Variants in ACYP2 observed in about 807,000 individuals in gnomAD.
ACYP2 encodes acylphosphatase-2.
ACYP2 carries 12 observed loss-of-function variants against 11.2 expected under a neutral mutation model. The observed-to-expected ratio is 1.08, with a 90% CI of 0.69 to 1.74. The LOEUF (loss-of-function observed/expected upper bound fraction) is 1.74. Among genes scored for constraint, ACYP2 ranks in the 40% most tolerant of loss-of-function variants. ACYP2 has a pLI of 0.00. For synonymous variants in ACYP2, 43 were observed against 32.2 expected (o/e 1.33, Z -1.13); for missense variants, 134 against 101.9 (o/e 1.31, Z -1.35).
At chr2:54,016,704 C>G (rs1007837203) in intron 2 of ACYP2, among the ~76,000 whole-genome samples, 15 of 149,690 alleles carry the variant, frequency 1.0e-4, no homozygotes, top group African/African-American at 3.7e-4. Flanking sequence ...AAGTCAAGGT[C>G]AAGGCACCTG....
At position 54,285,294 on chromosome 2, in the gene ACYP2, T is replaced by G. The variant is rs80266857; in HGVS notation, c.405-19394T>G. On this transcript the variant is annotated intron_variant, in intron 6 of 6. Transcript: ENST00000607452. ...AACATTCAGACCACAGCACTGAGTT[T>G]CTAGGATACCACGGTCTCCTGGCTT... Among the ~76,000 whole-genome samples the G allele has an allele frequency of 9.2e-5, 14 of 152,324 alleles. No homozygotes were observed. The East Asian group carries it at 2.7e-3, about 29-fold the overall frequency.
In ACYP2 at chr2:54,157,879, C is replaced by G. The variant is rs114363312; in HGVS notation, c.404+19131C>G. Among the ~76,000 whole-genome samples, 319 of 152,242 alleles carry G rather than the reference C, an allele frequency of 2.1e-3. 3 individuals are homozygous for G. Among genetic ancestry groups the G allele is most frequent in the African/African-American group, 7.2e-3 (300 of 41,540 alleles). The stretch of plus-strand genomic sequence containing the variant: ...GAGGGTCTGGGAAGAGCTTTCTGTG[C>G]AGAGGCAACAGCAAACAGCCATGCA... On this transcript the variant is annotated intron_variant, in intron 6 of 6. Coordinates refer to ENST00000607452, the MANE Select transcript of ACYP2 (RefSeq NM_001320586.2).
At position 54,276,230 on chromosome 2, in the gene ACYP2, C is replaced by A. The variant is rs189666311; in HGVS notation, c.405-28458C>A. ...CCTTAGCAAGCTGTGCAAGACCCTT[C>A]CCCTCTGGCCATTGTCCCAATAGCA... is the stretch of plus-strand genomic sequence containing the variant. On this transcript the variant is annotated intron_variant, in intron 6 of 6. Coordinates refer to ENST00000607452, the MANE Select transcript of ACYP2 (RefSeq NM_001320586.2). 1.9e-3 allele frequency among the ~76,000 whole-genome samples: 270 copies of A among 142,922 alleles called. 2 individuals are homozygous for A. The highest frequency in any genetic ancestry group is 6.8e-3 in the African/African-American group (254 of 37,388). The allele number at this position is 142,922 out of a possible 152,430, so 93.8% of individuals were successfully genotyped here.
At chr2:54,303,937 T>C (rs151282589) in intron 6 of ACYP2, among the ~76,000 whole-genome samples, 74 of 152,306 alleles carry the variant, frequency 4.9e-4, no homozygotes, top group African/African-American at 1.7e-3. Context: ...GTCAGCAATA[T>C]ACAATAGGCC....
At chr2:54,231,556 C>T (rs1686238196) in intron 6 of ACYP2, among the ~76,000 whole-genome samples, 1 of 152,148 alleles carries the variant, frequency 6.6e-6, no homozygotes, top group Non-Finnish European at 1.5e-5. Flanking sequence ...GGAGCAGAGA[C>T]CTCTGCTAGG....
chr2:54,001,486 T>G (rs1298829350), intron 2 of ACYP2, among the ~76,000 whole-genome samples: 3 of 152,192 alleles, frequency 2.0e-5, no homozygotes, highest in Non-Finnish European at 4.4e-5. Context: ...CTCCGCCTTC[T>G]GAGTTCAAGT....
chr2:54,097,965 CTTT>C (rs527656550), intron 4 of ACYP2, among the ~76,000 whole-genome samples: 3 of 117,184 alleles, frequency 2.6e-5, no homozygotes, highest in Admixed American at 9.1e-5. Flanking sequence ...TCCTTCCTTC[CTTT>C]TTTTTTTTTT....
chr2:54,109,457 A>C (rs375017671), intron 4 of ACYP2, among the ~76,000 whole-genome samples: 6 of 152,186 alleles, frequency 3.9e-5, no homozygotes, highest in Admixed American at 6.5e-5. Flanking sequence ...TATTGGGTAC[A>C]GCGTACACTG....
At chr2:54,251,715 C>CA (rs146184096) in intron 6 of ACYP2, among the ~76,000 whole-genome samples, 123 of 152,302 alleles carry the variant, frequency 8.1e-4, no homozygotes, top group Non-Finnish European at 1.4e-3. Flanking sequence ...GTCTCCAGAG[C>CA]AAAGGGCAGG....
chr2:54,217,030 TA>T (rs1685584523), intron 6 of ACYP2, among the ~76,000 whole-genome samples: 1 of 152,248 alleles, frequency 6.6e-6, no homozygotes, highest in South Asian at 2.1e-4. Context: ...TGTTCTAATA[TA>T]TTTTTATTTT....
In ACYP2 at chr2:54,088,747, A is replaced by G. The variant is rs1016056210; in HGVS notation, c.277+31387A>G. Reference sequence around the variant, plus strand: ...TGACCATAGATTGGCCTATTAATTAAGATTAAGCTGAAAAGTTATGGAGTC... The same window carrying G: ...TGACCATAGATTGGCCTATTAATTAGGATTAAGCTGAAAAGTTATGGAGTC... On this transcript the variant is annotated intron_variant, in intron 4 of 6. Coordinates refer to ENST00000607452, the MANE Select transcript of ACYP2 (RefSeq NM_001320586.2). 3.3e-5 allele frequency among the ~76,000 whole-genome samples: 5 copies of G among 152,364 alleles called. No homozygotes were observed. The East Asian group carries it at 9.6e-4, about 29-fold the overall frequency.
chr2:54,145,573 A>G (rs530505346), intron 6 of ACYP2, among the ~76,000 whole-genome samples: 2 of 152,150 alleles, frequency 1.3e-5, no homozygotes, highest in Non-Finnish European at 2.9e-5. Flanking sequence ...TTTCAATAAC[A>G]GTATGCTTTC....
intron 2 of ACYP2, among the ~76,000 whole-genome samples, chr2:54,004,627 G>T (rs1454472271): frequency 6.6e-6 from 1 of 150,772 alleles, no homozygotes; most frequent in East Asian, 2.0e-4. Context: ...AGCCAGGATG[G>T]TCTTGATCTC....
At chr2:54,039,653 C>T (rs1033118561) in intron 2 of ACYP2, among the ~76,000 whole-genome samples, 4 of 152,016 alleles carry the variant, frequency 2.6e-5, no homozygotes. Context: ...TCTCGAACTC[C>T]TCGATCCACC....
At chr2:54,212,558 G>A (rs1054107345) in intron 6 of ACYP2, among the ~76,000 whole-genome samples, 1 of 152,118 alleles carries the variant, frequency 6.6e-6, no homozygotes, top group Non-Finnish European at 1.5e-5. Context: ...CATCAAAACA[G>A]GAGTTACCAT....
chr2:54,145,060 T>C (rs7586592), intron 6 of ACYP2, among the ~76,000 whole-genome samples: 18,628 of 152,162 alleles, frequency 0.12, 1,193 homozygotes, highest in African/African-American at 0.13. Context: ...CTTCCTTGCT[T>C]TCTGGATAGT....
chr2:54,293,874 A>G (rs542275447), intron 6 of ACYP2, among the ~76,000 whole-genome samples: 3 of 152,372 alleles, frequency 2.0e-5, no homozygotes, highest in African/African-American at 7.2e-5. Context: ...AAAGGAGTCT[A>G]TGGTATTATT....
At chr2:54,152,866 G>A (rs1471295574) in intron 6 of ACYP2, among the ~76,000 whole-genome samples, 1 of 151,980 alleles carries the variant, frequency 6.6e-6, no homozygotes. Context: ...GTCTTTCTGT[G>A]TTGCCCAGGC....
At chr2:54,006,484 T>C (rs1380890144) in intron 2 of ACYP2, among the ~76,000 whole-genome samples, 1 of 152,104 alleles carries the variant, frequency 6.6e-6, no homozygotes, top group Non-Finnish European at 1.5e-5. Flanking sequence ...GGTGTCTTGC[T>C]GTGCTGCCCA....
Sources: gnomAD v4.1 joint callset for allele counts (sites outside exome capture counted in the v4.1 genomes callset) on GRCh38, gnomAD v4.1.1 for gene constraint, MANE v1.5 for transcripts, NCBI Gene and HGNC (gene_info 2026-07-23, HGNC 2026-07-21) for gene names.